Variants in NRXN3 observed in about 807,000 individuals in gnomAD.
NRXN3 encodes the protein neurexin III.
Under a neutral mutation model 137.6 loss-of-function variants are expected in NRXN3, and 32 were observed. The ratio of observed to expected loss-of-function variants is 0.23; its 90% CI spans 0.18 to 0.31. The LOEUF is 0.31. NRXN3 is among the 10% of genes least tolerant of loss of function. NRXN3 has a pLI of 1.00. For synonymous variants in NRXN3, 798 were observed against 784.5 expected (o/e 1.02, Z -0.29); for missense variants, 1,574 against 2,062.5 (o/e 0.76, Z 4.59).
intron 15 of NRXN3, among the ~76,000 whole-genome samples, chr14:79,016,675 C>G (rs1267854781): frequency 6.6e-6 from 1 of 152,272 alleles, no homozygotes; most frequent in Admixed American, 6.5e-5. Context: ...TTAACCTAAT[C>G]TAGGGGATTT....
At chr14:78,192,107 T>A (rs34236807) in intron 1 of NRXN3, among the ~76,000 whole-genome samples, 57,057 of 139,700 alleles carry the variant, frequency 0.41, 11,523 homozygotes, top group Middle Eastern at 0.44. Flanking sequence ...TGTGTGTGTG[T>A]GAGAGAGAGA....
chr14:79,044,436 T>C (rs2099629777), intron 15 of NRXN3, among the ~76,000 whole-genome samples: 1 of 152,188 alleles, frequency 6.6e-6, no homozygotes, highest in Non-Finnish European at 1.5e-5. Flanking sequence ...TAAGTCTCCC[T>C]TTTTCATGTG....
intron 10 of NRXN3, among the ~76,000 whole-genome samples, chr14:78,926,738 T>A (rs191223171): frequency 0.13 from 5,625 of 41,972 alleles, 1,170 homozygotes; most frequent in African/African-American, 0.36. Flanking sequence ...TAATATAAAA[T>A]ATATATTATA....
intron 10 of NRXN3, among the ~76,000 whole-genome samples, chr14:78,888,898 C>T (rs977907184): frequency 1.0e-4 from 15 of 148,418 alleles, no homozygotes; most frequent in African/African-American, 2.9e-4. Flanking sequence ...AGAAGAACAA[C>T]GCTGAAGTCG....
chr14:79,222,092 T>C (rs918319184), intron 15 of NRXN3, among the ~76,000 whole-genome samples: 3 of 152,198 alleles, frequency 2.0e-5, no homozygotes, highest in Non-Finnish European at 4.4e-5. Flanking sequence ...CTGAGGCCTG[T>C]GTTCTGTTCC....
intron 20 of NRXN3, among the ~76,000 whole-genome samples, chr14:79,856,218 C>T (rs578117576): frequency 6.6e-6 from 1 of 152,260 alleles, no homozygotes; most frequent in East Asian, 1.9e-4. Flanking sequence ...AGTTTTTCTA[C>T]TGTCTTCTCC....
At chr14:78,693,754 A>T (rs2098197339) in intron 6 of NRXN3, among the ~76,000 whole-genome samples, 1 of 147,698 alleles carries the variant, frequency 6.8e-6, no homozygotes, top group Admixed American at 6.9e-5. Flanking sequence ...TGACCACCAG[A>T]TTAATCTTTT....
intron 4 of NRXN3, among the ~76,000 whole-genome samples, chr14:78,448,365 G>T (rs554411537): frequency 1.3e-5 from 2 of 152,324 alleles, no homozygotes; most frequent in African/African-American, 4.8e-5. Flanking sequence ...AAATACAAGC[G>T]TTGCTGGAGG....
chr14:78,458,376 A>C (rs1304427647), intron 4 of NRXN3, among the ~76,000 whole-genome samples: 1 of 152,158 alleles, frequency 6.6e-6, no homozygotes, highest in Non-Finnish European at 1.5e-5. Flanking sequence ...AAAATGTGGA[A>C]TGTGTGTACC....
At chr14:78,376,755 C>T (rs897224593) in intron 4 of NRXN3, among the ~76,000 whole-genome samples, 24 of 152,128 alleles carry the variant, frequency 1.6e-4, no homozygotes, top group African/African-American at 3.9e-4. Context: ...AACCCTATTC[C>T]AGCTGAATAG....
intron 4 of NRXN3, among the ~76,000 whole-genome samples, chr14:78,550,940 T>C (rs1221650956): frequency 1.3e-5 from 2 of 152,156 alleles, no homozygotes; most frequent in Non-Finnish European, 2.9e-5. Flanking sequence ...CAGAGTCCGA[T>C]TGGTTGGGTT....
intron 16 of NRXN3, among the ~76,000 whole-genome samples, chr14:79,587,488 A>G (rs1344481353): frequency 1.3e-5 from 2 of 152,220 alleles, no homozygotes; most frequent in Non-Finnish European, 2.9e-5. Context: ...CAGGCGAGCA[A>G]TGTGTTAAAG....
intron 8 of NRXN3, among the ~76,000 whole-genome samples, chr14:78,727,226 G>T (rs2098489527): frequency 6.6e-6 from 1 of 152,202 alleles, no homozygotes; most frequent in African/African-American, 2.4e-5. Flanking sequence ...GTGGGAGAGG[G>T]TTCTGTGTTC....
intron 16 of NRXN3, among the ~76,000 whole-genome samples, chr14:79,571,255 C>A (rs2097598107): frequency 6.6e-6 from 1 of 152,030 alleles, no homozygotes; most frequent in Admixed American, 6.6e-5. Context: ...TTTTGTTAAG[C>A]AAATGGACTA....
At chr14:79,828,275 G>A (rs2099311460) in intron 20 of NRXN3, among the ~76,000 whole-genome samples, 1 of 152,112 alleles carries the variant, frequency 6.6e-6, no homozygotes, top group Admixed American at 6.5e-5. Flanking sequence ...TGTGAAAAAT[G>A]GAGATTTAGT....
intron 20 of NRXN3, among the ~76,000 whole-genome samples, chr14:79,808,979 C>T (rs1360658618): frequency 6.6e-6 from 1 of 152,016 alleles, no homozygotes; most frequent in Non-Finnish European, 1.5e-5. Flanking sequence ...CAATAGGAGT[C>T]TAGAAACCTT....
rs1370492717 is a variant in NRXN3 at position 79,613,715 on chromosome 14, G to A, written c.3445-50063G>A. ...TACTTACTTATTTCACCCAGTATGTGTTGACTACCTTTTGCCCACCAGGAG... is the reference window on the plus strand; with the variant it reads ...TACTTACTTATTTCACCCAGTATGTATTGACTACCTTTTGCCCACCAGGAG... On this transcript the variant is annotated intron_variant, in intron 16 of 20. Coordinates refer to ENST00000335750, the MANE Select transcript of NRXN3 (RefSeq NM_001330195.2). Among the ~76,000 whole-genome samples, 3 of 152,318 alleles carry A rather than the reference G, an allele frequency of 2.0e-5. No homozygotes were observed. The South Asian group carries it at 6.2e-4, about 32-fold the overall frequency.
At position 79,866,941 on chromosome 14, in the gene NRXN3, C is replaced by T. The variant is rs2099418291; in HGVS notation, c.*4977C>T. 1 of 152,096 alleles carries T rather than the reference C, an allele frequency of 6.6e-6. No individual in the cohort carries two copies. Among genetic ancestry groups the T allele is most frequent in the African/African-American group, 2.4e-5 (1 of 41,408 alleles). The allele number at this position is 152,096 out of a possible 1,614,324, so 9.4% of individuals were successfully genotyped here. ...TAATGGCAGCAGTCCACTGACAGCA[C>T]CAGTAGGAAGGCGCTAATGAAAAGA... On this transcript the variant is annotated 3_prime_UTR_variant, in exon 21 of 21. Coordinates refer to ENST00000335750, the MANE Select transcript of NRXN3 (RefSeq NM_001330195.2).
chr14:78,729,530 C>T (rs1167796266), intron 8 of NRXN3, among the ~76,000 whole-genome samples: 1 of 152,196 alleles, frequency 6.6e-6, no homozygotes, highest in African/African-American at 2.4e-5. Context: ...TCTTTTCATT[C>T]ACACTGTTTG....
Sources: gnomAD v4.1 joint callset for allele counts (sites outside exome capture counted in the v4.1 genomes callset) on GRCh38, gnomAD v4.1.1 for gene constraint, MANE v1.5 for transcripts, NCBI Gene and HGNC (gene_info 2026-07-23, HGNC 2026-07-21) for gene names.